The following SERGEF variants were observed in gnomAD, a reference collection of about 807,000 sequenced individuals.
The protein encoded by SERGEF is secretion regulating guanine nucleotide exchange factor.
SERGEF carries 51 observed loss-of-function variants against 50.0 expected under a neutral mutation model. The observed-to-expected ratio is 1.02, with a 90% CI of 0.81 to 1.29. The LOEUF (loss-of-function observed/expected upper bound fraction) is 1.29. SERGEF is among the 50% of genes most tolerant of loss of function. The probability of loss-of-function intolerance (pLI) is 0.00; values close to 1 mark genes in which losing one functional copy is unlikely to be tolerated. For synonymous variants in SERGEF, 205 were observed against 212.4 expected (o/e 0.97, Z 0.30); for missense variants, 521 against 557.0 (o/e 0.94, Z 0.65).
intron 7 of SERGEF, among the ~76,000 whole-genome samples, chr11:17,990,168 C>T (rs1463723758): frequency 6.6e-6 from 1 of 152,136 alleles, no homozygotes; most frequent in Non-Finnish European, 1.5e-5. Context: ...GACAGAAAGT[C>T]AAACAGTATC....
intron 4 of SERGEF, chr11:18,002,107 T>C (rs1171532781): frequency 2.2e-6 from 1 of 446,490 alleles, no homozygotes; most frequent in East Asian, 7.0e-5. Flanking sequence ...GATCAAATCT[T>C]AGCGTTAATA....
chr11:17,862,095 C>A (rs1850936569), intron 10 of SERGEF, among the ~76,000 whole-genome samples: 1 of 152,174 alleles, frequency 6.6e-6, no homozygotes, highest in Non-Finnish European at 1.5e-5. Context: ...GCCTTGTCTC[C>A]CACTGCTCTG....
chr11:17,980,374 G>A (rs564392704), intron 8 of SERGEF, among the ~76,000 whole-genome samples: 5 of 152,276 alleles, frequency 3.3e-5, no homozygotes, highest in South Asian at 4.1e-4. Context: ...ATTGAGGCCC[G>A]TGCAAGTGAC....
chr11:17,882,673 G>C (rs1173453698), intron 9 of SERGEF, among the ~76,000 whole-genome samples: 1 of 152,148 alleles, frequency 6.6e-6, no homozygotes, highest in Non-Finnish European at 1.5e-5. Context: ...TGGGGGTGAG[G>C]AGATGGCAGT....
intron 10 of SERGEF, among the ~76,000 whole-genome samples, chr11:17,834,344 A>G (rs2133856709): frequency 6.6e-6 from 1 of 152,274 alleles, no homozygotes; most frequent in African/African-American, 2.4e-5. Flanking sequence ...TGAAACTGTT[A>G]AGTCCAACTA....
At chr11:17,822,658 C>G (rs948401957) in intron 10 of SERGEF, among the ~76,000 whole-genome samples, 3 of 152,130 alleles carry the variant, frequency 2.0e-5, no homozygotes, top group Non-Finnish European at 4.4e-5. Flanking sequence ...TCCCAAGGGC[C>G]AAGGCTCACT....
At chr11:17,827,139 A>C (rs1784835758) in intron 10 of SERGEF, among the ~76,000 whole-genome samples, 1 of 152,234 alleles carries the variant, frequency 6.6e-6, no homozygotes, top group South Asian at 2.1e-4. Context: ...CATCTTCTTG[A>C]AGGCTCCCTG....
In SERGEF at chr11:17,888,475, G is replaced by A. The variant is rs1851470654; in HGVS notation, c.1012-10231C>T. On this transcript the variant is annotated intron_variant, in intron 9 of 10. Transcript: ENST00000265965. The surrounding 1 kb of genome is among the most constrained non-coding windows in gnomAD (Gnocchi z 4.1). ...TCTGAAAGTATTTTGTATATATTGT[G>A]GGACCATGCAAATGAGGAAATATAT... Among the ~76,000 whole-genome samples, 1 of 152,016 alleles carries A rather than the reference G, an allele frequency of 6.6e-6. No individual in the cohort carries two copies. Among genetic ancestry groups the A allele is most frequent in the African/African-American group, 2.4e-5 (1 of 41,348 alleles).
intron 5 of SERGEF, chr11:17,999,699 G>A: frequency 2.7e-6 from 1 of 370,950 alleles, no homozygotes; most frequent in Non-Finnish European, 5.2e-6. Context: ...CCCACTCACA[G>A]TACAGGAGAC....
intron 8 of SERGEF, among the ~76,000 whole-genome samples, chr11:17,969,043 C>A (rs1472731998): frequency 6.6e-6 from 1 of 152,176 alleles, no homozygotes; most frequent in Non-Finnish European, 1.5e-5. Context: ...AAAAGGCAGG[C>A]AATAAACATA....
chr11:17,790,135 T>TA (rs1162589720), intron 10 of SERGEF, among the ~76,000 whole-genome samples: 1 of 152,144 alleles, frequency 6.6e-6, no homozygotes, highest in African/African-American at 2.4e-5. Flanking sequence ...ACCCTTCTCT[T>TA]AAAAAAAATC....
At chr11:17,935,792 G>T (rs565342592) in intron 9 of SERGEF, among the ~76,000 whole-genome samples, 24 of 152,092 alleles carry the variant, frequency 1.6e-4, no homozygotes, top group Non-Finnish European at 2.9e-4. Flanking sequence ...TGAAAACCCT[G>T]CCCCCATGGT....
intron 10 of SERGEF, among the ~76,000 whole-genome samples, chr11:17,850,054 T>A (rs996094561): frequency 5.3e-5 from 8 of 152,136 alleles, no homozygotes; most frequent in Admixed American, 1.3e-4. Context: ...GGTGCTGGTA[T>A]CTAGTGAGGG....
chr11:17,984,283 G>A (rs1353744856), intron 8 of SERGEF, among the ~76,000 whole-genome samples: 6 of 152,140 alleles, frequency 3.9e-5, no homozygotes, highest in Admixed American at 6.5e-5. Flanking sequence ...AGCATAGTTC[G>A]AGCATTAGCT....
At chr11:17,966,273 G>A (rs1853122203) in intron 8 of SERGEF, among the ~76,000 whole-genome samples, 1 of 152,172 alleles carries the variant, frequency 6.6e-6, no homozygotes, top group Admixed American at 6.5e-5. Context: ...CAACGGAGAA[G>A]AAAGATGAAG....
chr11:17,875,079 C>T (rs1190117897), intron 10 of SERGEF, among the ~76,000 whole-genome samples: 1 of 152,204 alleles, frequency 6.6e-6, no homozygotes, highest in African/African-American at 2.4e-5. Flanking sequence ...GCCACTTATA[C>T]AGGTTACACA....
intron 10 of SERGEF, among the ~76,000 whole-genome samples, chr11:17,835,684 T>C (rs1850385336): frequency 1.3e-5 from 2 of 152,186 alleles, no homozygotes; most frequent in Admixed American, 1.3e-4. Context: ...TCAAATTGAC[T>C]CAAATCCCAA....
chr11:17,914,129 T>C (rs551101443), intron 9 of SERGEF, among the ~76,000 whole-genome samples: 277 of 152,350 alleles, frequency 1.8e-3, no homozygotes, highest in African/African-American at 6.4e-3. Flanking sequence ...TGCTGATCCC[T>C]GAACTCAGTC....
chr11:17,822,566 G>A (rs532074136), intron 10 of SERGEF, among the ~76,000 whole-genome samples: 1 of 152,296 alleles, frequency 6.6e-6, no homozygotes. Flanking sequence ...GGAAACCTCT[G>A]GAGCGGCTCC....
Sources: allele counts gnomAD v4.1 joint callset (sites outside exome capture counted in the v4.1 genomes callset), GRCh38; gene constraint gnomAD v4.1.1; non-coding constraint Gnocchi (gnomAD v3.1); transcripts MANE v1.5; gene names NCBI Gene and HGNC (gene_info 2026-07-23, HGNC 2026-07-21).